Variants in SYF2 observed in about 807,000 individuals in gnomAD.
SYF2 encodes the protein SYF2 pre-mRNA splicing factor.
SYF2 carries 21 observed loss-of-function variants against 32.7 expected under a neutral mutation model. The observed-to-expected ratio is 0.64, with a 90% CI of 0.45 to 0.92. The LOEUF (loss-of-function observed/expected upper bound fraction) is 0.92, where lower values mean the gene tolerates loss of function less well. SYF2 is among the 40% of genes least tolerant of loss of function. The pLI, the probability that SYF2 is intolerant of heterozygous loss-of-function variation, is 0.00. For synonymous variants in SYF2, 114 were observed against 103.9 expected (o/e 1.10, Z -0.59); for missense variants, 278 against 296.5 (o/e 0.94, Z 0.46).
intron 5 of SYF2, among the ~76,000 whole-genome samples, chr1:25,226,635 C>CA (rs1374682243): frequency 2.0e-5 from 3 of 152,126 alleles, no homozygotes; most frequent in Non-Finnish European, 4.4e-5. Flanking sequence ...AAGAACAAAA[C>CA]AAAAAACATG....
chr1:25,226,808 AC>A (rs1366293393), intron 5 of SYF2, among the ~76,000 whole-genome samples: 1 of 151,958 alleles, frequency 6.6e-6, no homozygotes, highest in Non-Finnish European at 1.5e-5. Context: ...ACACAGTGAG[AC>A]CCCGTCTCCA....
At chr1:25,227,661 AT>A (rs1638540114) in intron 4 of SYF2, 129 bp from the exon 5 acceptor site, 2 of 785,788 alleles carry the variant, frequency 2.5e-6, no homozygotes, top group Admixed American at 3.2e-5. Context: ...AGTGTTTCTG[AT>A]TTTTTTCAGA....
rs551590339 is a variant in SYF2 at position 25,227,649 on chromosome 1, G to C, written c.377-117C>G. The C allele has an allele frequency of 4.6e-6, 4 of 872,648 alleles. No individual in the cohort carries two copies. In the East Asian group the frequency reaches 1.0e-4, roughly 23 times the overall value. The allele number at this position is 872,648 out of a possible 1,614,324, so 54.1% of individuals were successfully genotyped here. On this transcript the variant is annotated intron_variant, in intron 4 of 6. Transcript: ENST00000236273. ...CTTTTATCCAAAACGCTTGGAATCG[G>C]AAGTGTTTCTGATTTTTTTCAGATT...
chr1:25,223,914 C>T (rs540420693), intron 6 of SYF2, among the ~76,000 whole-genome samples: 1 of 152,106 alleles, frequency 6.6e-6, no homozygotes, highest in Admixed American at 6.5e-5. Flanking sequence ...ATTAAATAGG[C>T]CAGGCGCAGT....
At chr1:25,229,774 CA>C (rs1396260741) in intron 2 of SYF2, among the ~76,000 whole-genome samples, 1,744 of 87,442 alleles carry the variant, frequency 0.02, 13 homozygotes, top group Non-Finnish European at 0.026. Flanking sequence ...GACTCCATCT[CA>C]AAAAAAAAAA....
intron 1 of SYF2, 53 bp downstream of exon 1, chr1:25,232,391 C>A (rs934932316): frequency 6.2e-7 from 1 of 1,614,068 alleles, no homozygotes; most frequent in Non-Finnish European, 8.5e-7. Flanking sequence ...CTCCAGGCCG[C>A]TCCCCGGAAC....
At chr1:25,231,895 G>C in intron 2 of SYF2, 1 of 639,022 alleles carries the variant, frequency 1.6e-6, no homozygotes, top group Non-Finnish European at 2.9e-6. Context: ...GGTGGGAGAG[G>C]GGCTGGAGTG....
intron 6 of SYF2, among the ~76,000 whole-genome samples, chr1:25,224,515 C>T (rs1424263584): frequency 1.3e-5 from 2 of 152,190 alleles, no homozygotes; most frequent in African/African-American, 4.8e-5. Flanking sequence ...GCCTCAGCCT[C>T]CCAAAGTGCT....
At chr1:25,230,774 G>A (rs1638612355) in intron 2 of SYF2, 1 of 152,052 alleles carries the variant, frequency 6.6e-6, no homozygotes, top group Admixed American at 6.6e-5. Context: ...GATGTGGATT[G>A]GGTACTGTCA....
At chr1:25,224,730 T>C (rs1005925200) in intron 6 of SYF2, among the ~76,000 whole-genome samples, 18 of 152,186 alleles carry the variant, frequency 1.2e-4, no homozygotes, top group Non-Finnish European at 1.6e-4. Context: ...AGTAAAATCC[T>C]TAAAGAAGGA....
rs1444025274 is a variant in SYF2 at position 25,228,254 on chromosome 1, C to G, written c.259-19G>C. On this transcript the variant is annotated intron_variant, in intron 3 of 6. Coordinates refer to ENST00000236273, the MANE Select transcript of SYF2 (RefSeq NM_015484.5). ...CACATTCCTAAAAAGAAGAAAAAAGCTGACACCTACAATTATGATACATGC... is the reference window on the plus strand; with the variant it reads ...CACATTCCTAAAAAGAAGAAAAAAGGTGACACCTACAATTATGATACATGC... The G allele has an allele frequency of 6.3e-7, 1 of 1,579,126 alleles. No individual in the cohort carries two copies. Among genetic ancestry groups the G allele is most frequent in the South Asian group, 1.1e-5 (1 of 89,602 alleles).
intron 2 of SYF2, chr1:25,230,504 G>A (rs1473577685): frequency 6.6e-6 from 1 of 152,134 alleles, no homozygotes; most frequent in Non-Finnish European, 1.5e-5. Flanking sequence ...ATTTAAGCAT[G>A]TCTTTTTAAT....
chr1:25,229,093 C>A lies in SYF2; in HGVS notation c.163G>T (p.Val55Phe). ...NEARKLNHQEVVEEDKRLKLP... is the reference protein window; with the variant it reads ...NEARKLNHQEFVEEDKRLKLP... ...TTTAGTCTTTTATCTTCTTCCACAA[C>A]TTCCTGGTGATTTAATTTACGAGCT... is the stretch of plus-strand genomic sequence containing the variant. The change falls in exon 3 of 7, where the codon GTT becomes TTT. Residue 55 changes from valine (V) to phenylalanine (F), a missense_variant. Val to Phe is a conservative substitution (Grantham distance 50). Transcript: ENST00000236273. 6.2e-7 allele frequency: 1 copy of A among 1,613,318 alleles called. No individual in the cohort carries two copies. The highest frequency in any genetic ancestry group is 8.5e-7 in the Non-Finnish European group (1 of 1,179,854).
intron 5 of SYF2, 122 bp downstream of exon 5, chr1:25,227,320 A>G: frequency 1.2e-6 from 1 of 806,722 alleles, no homozygotes; most frequent in South Asian, 2.1e-5. Context: ...AACAGAGACC[A>G]TCCTTAGACA....
chr1:25,226,932 GAC>G (rs1350648058), intron 5 of SYF2, among the ~76,000 whole-genome samples: 2 of 151,816 alleles, frequency 1.3e-5, no homozygotes, highest in Non-Finnish European at 2.9e-5. Flanking sequence ...AGTGAGTTAT[GAC>G]AGTGTCAATG....
At chr1:25,225,231 T>TA (rs1638483463) in intron 5 of SYF2, 131 bp from the exon 6 acceptor site, 1 of 660,602 alleles carries the variant, frequency 1.5e-6, no homozygotes. Flanking sequence ...TAATTTTTTT[T>TA]TAAAAAAACA....
chr1:25,229,631 G>A (rs766672272), intron 2 of SYF2, among the ~76,000 whole-genome samples: 1 of 151,906 alleles, frequency 6.6e-6, no homozygotes, highest in Non-Finnish European at 1.5e-5. Context: ...AAAAATTAGC[G>A]AGGCATGGTG....
chr1:25,223,248 A>G lies in SYF2; in HGVS notation c.*18T>C, dbSNP rs1173843821. 2 of 1,592,484 alleles carry G rather than the reference A, an allele frequency of 1.3e-6. No individual in the cohort carries two copies. Among genetic ancestry groups the G allele is most frequent in the African/African-American group, 1.4e-5 (1 of 73,702 alleles). Reference sequence around the variant, plus strand: ...TTTTACCCCATTCTCAAGCTTCTATAAACAGTTCTTGAAGGGATTAGACAG... The same window carrying G: ...TTTTACCCCATTCTCAAGCTTCTATGAACAGTTCTTGAAGGGATTAGACAG... On this transcript the variant is annotated 3_prime_UTR_variant, in exon 7 of 7. Coordinates refer to ENST00000236273, the MANE Select transcript of SYF2 (RefSeq NM_015484.5).
chr1:25,228,302 CAAG>C, intron 3 of SYF2, 67 bp from the exon 4 acceptor site: 1 of 1,276,286 alleles, frequency 7.8e-7, no homozygotes, highest in Non-Finnish European at 1.1e-6. Context: ...TACTTTACAT[CAAG>C]AAAGATCCAA....
Sources: gnomAD v4.1 joint callset for allele counts (sites outside exome capture counted in the v4.1 genomes callset) on GRCh38, gnomAD v4.1.1 for gene constraint, MANE v1.5 for transcripts, NCBI Gene and HGNC (gene_info 2026-07-23, HGNC 2026-07-21) for gene names.